FNDC3A: variants seen among roughly 807,000 people sequenced by gnomAD.
FNDC3A encodes fibronectin type-III domain-containing protein 3A.
A neutral mutation model predicts 148.9 loss-of-function variants in FNDC3A; 32 were observed. The ratio of observed to expected loss-of-function variants is 0.21; its 90% CI spans 0.16 to 0.29. FNDC3A has a LOEUF of 0.29. FNDC3A is among the 10% of genes least tolerant of loss of function. FNDC3A has a pLI of 1.00. For synonymous variants in FNDC3A, 472 were observed against 473.6 expected (o/e 1.00, Z 0.04); for missense variants, 1,191 against 1,452.8 (o/e 0.82, Z 2.93).
intron 2 of FNDC3A, among the ~76,000 whole-genome samples, chr13:49,023,934 A>G (rs1025112567): frequency 6.6e-6 from 1 of 151,960 alleles, no homozygotes; most frequent in Non-Finnish European, 1.5e-5. Flanking sequence ...AATAAAAAAG[A>G]TTACAAAACC....
intron 8 of FNDC3A, among the ~76,000 whole-genome samples, chr13:49,160,206 T>C (rs1321579411): frequency 6.6e-6 from 1 of 152,198 alleles, no homozygotes; most frequent in Admixed American, 6.5e-5. Context: ...CCAGCTCCTC[T>C]TTATACCTGT....
At chr13:49,077,547 A>G (rs1365232390) in intron 3 of FNDC3A, among the ~76,000 whole-genome samples, 1 of 152,224 alleles carries the variant, frequency 6.6e-6, no homozygotes, top group South Asian at 2.1e-4. Flanking sequence ...TTTAAACCTT[A>G]TATATCTGAG....
chr13:49,126,372 C>G (rs147456509), intron 4 of FNDC3A, among the ~76,000 whole-genome samples: 20 of 152,212 alleles, frequency 1.3e-4, no homozygotes, highest in African/African-American at 4.8e-4. Flanking sequence ...TACAGCATTG[C>G]ACTACCAGCT....
intron 3 of FNDC3A, among the ~76,000 whole-genome samples, chr13:49,083,529 T>C (rs1247833539): frequency 6.6e-6 from 1 of 151,770 alleles, no homozygotes; most frequent in Non-Finnish European, 1.5e-5. Context: ...CAAACTGGGA[T>C]TGTCCCAAGG....
chr13:49,051,253 G>A (rs1875822319), intron 2 of FNDC3A, among the ~76,000 whole-genome samples: 1 of 152,052 alleles, frequency 6.6e-6, no homozygotes, highest in Non-Finnish European at 1.5e-5. Flanking sequence ...TTGTGTTATT[G>A]TTATATAGGG....
At chr13:49,051,029 A>G (rs1366742180) in intron 2 of FNDC3A, among the ~76,000 whole-genome samples, 2 of 152,114 alleles carry the variant, frequency 1.3e-5, no homozygotes, top group East Asian at 3.8e-4. Context: ...CCTTAAGTTT[A>G]TGTTAGTCCT....
chr13:49,153,906 G>A (rs1593669298), intron 8 of FNDC3A, among the ~76,000 whole-genome samples: 2 of 129,170 alleles, frequency 1.5e-5, no homozygotes, highest in South Asian at 5.7e-4. Flanking sequence ...GTACCATGCT[G>A]TTTTGGTTAC....
chr13:49,131,477 A>C, intron 5 of FNDC3A, 103 bp downstream of exon 5: 1 of 854,966 alleles, frequency 1.2e-6, no homozygotes, highest in African/African-American at 1.7e-5. Flanking sequence ...GCAAATGGTA[A>C]TGATGTAACA....
chr13:49,175,580 C>T lies in FNDC3A; in HGVS notation c.1530+39C>T, dbSNP rs756602862. ...TGGATTTTAAATAGTGTATTTAAAA[C>T]ATTTTCAGCTTAAGGAGATTTTGGG... On this transcript the variant is annotated intron_variant, in intron 13 of 25. Transcript: ENST00000492622. The T allele has an allele frequency of 2.0e-5, 28 of 1,392,242 alleles. 1 individual carries two copies. The South Asian group carries it at 3.6e-4, about 18-fold the overall frequency. 86.2% of individuals were successfully genotyped at this position (1,392,242 alleles called of 1,614,324 possible).
chr13:49,181,906 T>G (rs1443055560), intron 14 of FNDC3A, among the ~76,000 whole-genome samples: 1 of 152,158 alleles, frequency 6.6e-6, no homozygotes, highest in Non-Finnish European at 1.5e-5. Context: ...AATTCTGGGA[T>G]AACCAAAATA....
At chr13:49,121,903 C>T (rs1383779866) in intron 4 of FNDC3A, among the ~76,000 whole-genome samples, 2 of 152,110 alleles carry the variant, frequency 1.3e-5, no homozygotes, top group African/African-American at 4.8e-5. Context: ...GATTCACAGC[C>T]TAATTCTACC....
chr13:49,099,113 TTGA>T (rs1184483058), intron 3 of FNDC3A, among the ~76,000 whole-genome samples: 1 of 152,178 alleles, frequency 6.6e-6, no homozygotes, highest in Non-Finnish European at 1.5e-5. Flanking sequence ...TTGCCTCATC[TTGA>T]TATCTAACTG....
At chr13:49,108,337 C>T (rs969483844) in intron 3 of FNDC3A, among the ~76,000 whole-genome samples, 1 of 152,104 alleles carries the variant, frequency 6.6e-6, no homozygotes, top group Non-Finnish European at 1.5e-5. Flanking sequence ...GCACATATGC[C>T]GTGATCTCAA....
At chr13:49,163,172 G>C (rs1440945070) in intron 8 of FNDC3A, among the ~76,000 whole-genome samples, 1 of 152,208 alleles carries the variant, frequency 6.6e-6, no homozygotes, top group Non-Finnish European at 1.5e-5. Flanking sequence ...AAAGCTGTCA[G>C]ACAGGAACGT....
chr13:49,117,255 T>C lies in FNDC3A; in HGVS notation c.252+2524T>C, dbSNP rs142411317. Among the ~76,000 whole-genome samples, 1,162 of 152,340 alleles carry C rather than the reference T, an allele frequency of 7.6e-3. 20 individuals carry two copies. The highest frequency in any genetic ancestry group is 0.027 in the African/African-American group (1,103 of 41,570). ...TCATAAAGAGCCTGTAGCCGGCTTG[T>C]ACACTCAATGAAGTCTAGATTTCTT... On this transcript the variant is annotated intron_variant, in intron 4 of 25. Coordinates refer to ENST00000492622, the MANE Select transcript of FNDC3A (RefSeq NM_001079673.2).
At chr13:49,116,270 A>C (rs1346795172) in intron 4 of FNDC3A, among the ~76,000 whole-genome samples, 2 of 151,944 alleles carry the variant, frequency 1.3e-5, no homozygotes, top group Non-Finnish European at 1.5e-5. Context: ...CATATTATTA[A>C]TATATATATT....
intron 3 of FNDC3A, among the ~76,000 whole-genome samples, chr13:49,092,502 C>T (rs774118789): frequency 6.6e-5 from 10 of 152,096 alleles, no homozygotes; most frequent in South Asian, 2.1e-4. Flanking sequence ...CTGCCTTTCC[C>T]AGCCCACTAA....
rs748161186 is a variant in FNDC3A, at chr13:49,131,233, C to T, written c.349C>T (p.Pro117Ser). 1 of 1,614,124 alleles carries T rather than the reference C, an allele frequency of 6.2e-7. No homozygotes were observed. The highest frequency in any genetic ancestry group is 1.7e-5 in the Admixed American group (1 of 60,026). ...CACAGTTCTCCACCGTTCTCCACAT[C>T]CTCCTCTACCTGGTTTCATTCCTGT... ...SHTVLHRSPH[P>S]PLPGFIPVPT... The change falls in exon 5 of 26, where the codon CCT (proline) becomes TCT (serine). Residue 117 changes from proline to serine, a missense_variant. By Grantham distance (74) the Pro-to-Ser change is moderately conservative. Coordinates refer to ENST00000492622, the MANE Select transcript of FNDC3A (RefSeq NM_001079673.2).
At chr13:49,056,999 G>T (rs35915720) in intron 2 of FNDC3A, among the ~76,000 whole-genome samples, 3,833 of 152,244 alleles carry the variant, frequency 0.025, 80 homozygotes, top group Admixed American at 0.052. Flanking sequence ...TTCATTTCAT[G>T]TGATCTTTTT....
Sources: allele counts gnomAD v4.1 joint callset (sites outside exome capture counted in the v4.1 genomes callset), GRCh38; gene constraint gnomAD v4.1.1; transcripts MANE v1.5; gene names NCBI Gene and HGNC (gene_info 2026-07-23, HGNC 2026-07-21).